CABP5: variants seen among roughly 807,000 people sequenced by gnomAD.
CABP5 encodes calcium-binding protein 5.
CABP5 carries 17 observed loss-of-function variants against 21.9 expected under a neutral mutation model. That is an observed-to-expected ratio of 0.78 (90% CI 0.53 to 1.17). The LOEUF is 1.17. CABP5 is among the 50% of genes most tolerant of loss of function. CABP5 has a pLI of 0.00. For missense variants in CABP5, 229 were observed against 228.9 expected, an observed-to-expected ratio of 1.00 and a Z score of 0.00; for synonymous variants, 85 against 79.4, an observed-to-expected ratio of 1.07 and a Z score of -0.37.
chr19:48,043,779 A>AC (rs1967514003), intron 1 of CABP5, 81 bp downstream of exon 1: 1 of 1,189,460 alleles, frequency 8.4e-7, no homozygotes, highest in Admixed American at 3.8e-5. Flanking sequence ...GTTCTGTGGC[A>AC]CCATCATGTC....
intron 1 of CABP5, among the ~76,000 whole-genome samples, chr19:48,043,462 G>A (rs1320346043): frequency 1.0e-4 from 7 of 66,722 alleles, no homozygotes; most frequent in Non-Finnish European, 2.2e-4. Flanking sequence ...CTTTGCACAG[G>A]GCTGGGCACA....
intron 1 of CABP5, 84 bp downstream of exon 1, chr19:48,043,776 G>A (rs963939282): frequency 8.6e-7 from 1 of 1,158,190 alleles, no homozygotes; most frequent in Non-Finnish European, 1.2e-6. Context: ...CTGGTTCTGT[G>A]GCACCATCAT....
In CABP5 at chr19:48,030,562, G is replaced by A. The variant is rs759841355; in HGVS notation, c.517C>T (p.Arg173Cys). ...CTGGAGCTTCCAGGACCTCCTCAGC[G>A]AGACATCATCTTCACAAACTCTGCA... ...DFEEFVKMMS[R>C] is the part of the protein sequence containing the mutation. Residue 173 changes from arginine to cysteine, a missense_variant, in exon 6 of 6, where the codon CGC becomes TGC. By Grantham distance (180) the Arg-to-Cys change is radical. Transcript: ENST00000293255. 5.0e-6 allele frequency: 8 copies of A among 1,612,992 alleles called. No individual in the cohort carries two copies. Among genetic ancestry groups the A allele is most frequent in the East Asian group, 4.5e-5 (2 of 44,848 alleles).
At chr19:48,038,131 G>A (rs917062586) in intron 4 of CABP5, among the ~76,000 whole-genome samples, 1 of 152,098 alleles carries the variant, frequency 6.6e-6, no homozygotes, top group Admixed American at 6.6e-5. Context: ...TGGCCAGGCT[G>A]GTCTTAAAGT....
chr19:48,043,770 T>G, intron 1 of CABP5, 90 bp downstream of exon 1: 1 of 1,117,528 alleles, frequency 8.9e-7, no homozygotes, highest in Non-Finnish European at 1.2e-6. Context: ...GTTCCCCTGG[T>G]TCTGTGGCAC....
chr19:48,043,836 C>T (rs1330804373), intron 1 of CABP5, 24 bp downstream of exon 1: 3 of 1,490,654 alleles, frequency 2.0e-6, no homozygotes, highest in East Asian at 2.7e-5. Context: ...GCCCACCGCC[C>T]TTCCCCCTCA....
chr19:48,043,744 C>G (rs1005360219), intron 1 of CABP5, 116 bp downstream of exon 1: 7 of 860,836 alleles, frequency 8.1e-6, no homozygotes, highest in Admixed American at 8.5e-5. Context: ...CTTCTCAGCT[C>G]CTGCTCTATC....
chr19:48,044,000 CCTT>C lies in CABP5; in HGVS notation c.-81_-79del. ...CCTGCTCCCTGTCGGAGCTCAGCCT[CCTT>C]ATCTTCTCCAGCACTCCTTTGCCAC... On this transcript the variant is annotated 5_prime_UTR_variant, in exon 1 of 6. It adds an upstream start codon to the 5' untranslated region. Transcript: ENST00000293255. 1 of 1,283,452 alleles carries C rather than the reference CCTT, an allele frequency of 7.8e-7. No homozygotes were observed. The highest frequency in any genetic ancestry group is 1.1e-6 in the Non-Finnish European group (1 of 939,814). The allele number at this position is 1,283,452 out of a possible 1,614,324, so 79.5% of individuals were successfully genotyped here.
At chr19:48,033,677 T>G (rs892032544) in intron 5 of CABP5, among the ~76,000 whole-genome samples, 1 of 152,094 alleles carries the variant, frequency 6.6e-6, no homozygotes, top group Admixed American at 6.6e-5. Flanking sequence ...GAAGGAAAAT[T>G]TAAAAATACA....
At chr19:48,032,542 T>C (rs565981547) in intron 5 of CABP5, among the ~76,000 whole-genome samples, 1 of 152,142 alleles carries the variant, frequency 6.6e-6, no homozygotes, top group South Asian at 2.1e-4. Context: ...TTGCCCAGTC[T>C]GGTCTTGAAC....
rs144594130 is a variant in CABP5, at chr19:48,040,722, C to A, written c.121G>T (p.Asp41Tyr). ...EELREAFLEFDKDRDGFISCK... is the reference protein window; with the variant it reads ...EELREAFLEFYKDRDGFISCK... ...GAGATGAACCCATCTCGGTCCTTAT[C>A]GAACTCAAGAAATGCTTCCCGCAGC... Residue 41 changes from aspartate (D) to tyrosine (Y), a missense_variant, in exon 3 of 6, where the codon GAT becomes TAT. Transcript: ENST00000293255. 1 of 1,614,058 alleles carries A rather than the reference C, an allele frequency of 6.2e-7. No individual in the cohort carries two copies. The highest frequency in any genetic ancestry group is 1.3e-5 in the African/African-American group (1 of 75,018).
intron 4 of CABP5, among the ~76,000 whole-genome samples, chr19:48,036,493 A>G (rs938824305): frequency 1.3e-5 from 2 of 152,178 alleles, no homozygotes; most frequent in Non-Finnish European, 1.5e-5. Context: ...AGAGAGTAGA[A>G]GGATAGTTGC....
intron 5 of CABP5, 152 bp from the exon 6 acceptor site, chr19:48,030,734 G>A: frequency 1.3e-6 from 1 of 768,704 alleles, no homozygotes; most frequent in Non-Finnish European, 2.2e-6. Flanking sequence ...TCTATGAAAT[G>A]GGAATCAGAT....
Position 48,034,139 on chromosome 19 carries a change from G to A in CABP5, c.496+76C>T, listed in dbSNP as rs539468347. On this transcript the variant is annotated intron_variant, in intron 5 of 5. Transcript: ENST00000293255. ...GGAGTGAGAAGGAGTGGCCAACTTG[G>A]AAAATCTGACAGTGAGTTGGAAGTG... 1.2e-5 allele frequency: 17 copies of A among 1,414,264 alleles called. No homozygotes were observed. In the African/African-American group the frequency reaches 2.3e-4, roughly 19 times the overall value. The allele number at this position is 1,414,264 out of a possible 1,614,324, so 87.6% of individuals were successfully genotyped here.
At chr19:48,042,060 T>A (rs149508310) in intron 1 of CABP5, among the ~76,000 whole-genome samples, 13 of 152,226 alleles carry the variant, frequency 8.5e-5, no homozygotes, top group Admixed American at 2.6e-4. Context: ...ATGAGAAAGC[T>A]GAGGAACAGA....
Position 48,044,032 on chromosome 19 carries a change from T to G in CABP5, c.-110A>C. 2 of 888,678 alleles carry G rather than the reference T, an allele frequency of 2.3e-6. No homozygotes were observed. The highest frequency in any genetic ancestry group is 3.3e-6 in the Non-Finnish European group (2 of 600,504). 55.0% of individuals were successfully genotyped at this position (888,678 alleles called of 1,614,324 possible). A position where few individuals can be genotyped will look rare whatever the true frequency, so the allele number is the denominator to read the frequency against. ...TTCTCCAGCACTCCTTTGCCACCTC[T>G]TCCTGCCTCTCTTGGCTTCTCCTTC... On this transcript the variant is annotated 5_prime_UTR_variant, in exon 1 of 6. Transcript: ENST00000293255.
intron 3 of CABP5, 29 bp from the exon 4 acceptor site, chr19:48,039,346 AC>A: frequency 6.4e-7 from 1 of 1,561,222 alleles, no homozygotes; most frequent in Non-Finnish European, 8.8e-7. Context: ...GATTAGCGAG[AC>A]CCCACAAGCC....
chr19:48,030,492 G>T lies in CABP5; in HGVS notation c.*65C>A, dbSNP rs1016128147. 4 of 1,534,348 alleles carry T rather than the reference G, an allele frequency of 2.6e-6. No homozygotes were observed. In the African/African-American group the frequency reaches 4.2e-5, roughly 16 times the overall value. ...AGGGGATCTGGGGCTTTTGGGCTTT[G>T]GTTCTCCACAAGCGCTTGCTCCATG... On this transcript the variant is annotated 3_prime_UTR_variant, in exon 6 of 6. Transcript: ENST00000293255.
At position 48,040,751 on chromosome 19, in the gene CABP5, G is replaced by A. The variant is rs1967470710; in HGVS notation, c.95-3C>T. 1 of 1,613,892 alleles carries A rather than the reference G, an allele frequency of 6.2e-7. No individual in the cohort carries two copies. Among genetic ancestry groups the A allele is most frequent in the Non-Finnish European group, 8.5e-7 (1 of 1,179,850 alleles). ...CTCAAGAAATGCTTCCCGCAGCTCT[G>A]AAAGTTAAGAGAGAACTTTGGGGGA... On this transcript the variant is annotated splice_region_variant and splice_polypyrimidine_tract_variant and intron_variant, in intron 2 of 5. Coordinates refer to ENST00000293255, the MANE Select transcript of CABP5 (RefSeq NM_019855.5).
Sources: allele counts gnomAD v4.1 joint callset (sites outside exome capture counted in the v4.1 genomes callset), GRCh38; gene constraint gnomAD v4.1.1; transcripts MANE v1.5; gene names NCBI Gene and HGNC (gene_info 2026-07-23, HGNC 2026-07-21).